The following INPP4B variants were observed in gnomAD, a reference collection of about 807,000 sequenced individuals.
INPP4B encodes the protein inositol polyphosphate 4-phosphatase type II.
Under a neutral mutation model 122.5 loss-of-function variants are expected in INPP4B, and 55 were observed. That is an observed-to-expected ratio of 0.45 (90% confidence interval 0.36 to 0.56). The LOEUF (loss-of-function observed/expected upper bound fraction) is 0.56. Among genes scored for constraint, INPP4B ranks in the 20% least tolerant of loss-of-function variants. The pLI, the probability that INPP4B is intolerant of heterozygous loss-of-function variation, is 0.00. For synonymous variants in INPP4B, 403 were observed against 388.7 expected (o/e 1.04, Z -0.43); for missense variants, 1,000 against 1,097.7 (o/e 0.91, Z 1.26).
At chr4:142,460,506 A>G (rs1388900275) in intron 3 of INPP4B, among the ~76,000 whole-genome samples, 1 of 152,122 alleles carries the variant, frequency 6.6e-6, no homozygotes, top group Non-Finnish European at 1.5e-5. Flanking sequence ...TTAAGTTTCA[A>G]TGTTGGTCTA....
chr4:142,357,504 C>T (rs186833638), intron 7 of INPP4B, among the ~76,000 whole-genome samples: 63 of 152,100 alleles, frequency 4.1e-4, no homozygotes, highest in Middle Eastern at 3.4e-3. Context: ...GGCAATTCTA[C>T]CACTTTCGTA....
chr4:142,524,572 G>T (rs1208006665), intron 2 of INPP4B, among the ~76,000 whole-genome samples: 5 of 152,010 alleles, frequency 3.3e-5, no homozygotes, highest in Non-Finnish European at 7.4e-5. Context: ...GGGATGCAAG[G>T]CTGGTCCAAT....
At chr4:142,264,155 A>C (rs1741651321) in intron 10 of INPP4B, among the ~76,000 whole-genome samples, 1 of 152,158 alleles carries the variant, frequency 6.6e-6, no homozygotes. Context: ...CTCTGTTGAA[A>C]ATAGACTGAT....
chr4:142,206,659 T>C (rs957352451), intron 14 of INPP4B, among the ~76,000 whole-genome samples: 2 of 152,096 alleles, frequency 1.3e-5, no homozygotes, highest in African/African-American at 2.4e-5. Context: ...AAGCTATATA[T>C]ATGTATACAA....
At chr4:142,615,370 G>A (rs1344407649) in intron 2 of INPP4B, among the ~76,000 whole-genome samples, 1 of 152,168 alleles carries the variant, frequency 6.6e-6, no homozygotes, top group Non-Finnish European at 1.5e-5. Flanking sequence ...ATATCTACAG[G>A]TTATAGGTGG....
intron 7 of INPP4B, among the ~76,000 whole-genome samples, chr4:142,381,196 A>C (rs771787106): frequency 6.6e-6 from 1 of 152,160 alleles, no homozygotes; most frequent in African/African-American, 2.4e-5. Flanking sequence ...TAAAGGATGC[A>C]AAAATTTACA....
intron 2 of INPP4B, among the ~76,000 whole-genome samples, chr4:142,704,968 T>C (rs937157843): frequency 1.3e-5 from 2 of 152,216 alleles, no homozygotes. Flanking sequence ...CTGAATTTAA[T>C]GCATTTCTCA....
At chr4:142,670,079 A>G (rs987252206) in intron 2 of INPP4B, among the ~76,000 whole-genome samples, 1 of 152,196 alleles carries the variant, frequency 6.6e-6, no homozygotes, top group African/African-American at 2.4e-5. Flanking sequence ...CATGCTTTGT[A>G]TACACATACA....
chr4:142,044,271 G>A (rs567331608), intron 25 of INPP4B, among the ~76,000 whole-genome samples: 4 of 152,188 alleles, frequency 2.6e-5, no homozygotes, highest in East Asian at 1.9e-4. Flanking sequence ...AATCATCCAC[G>A]TAGAGAATAC....
chr4:142,030,694 GA>G (rs1739340804), intron 25 of INPP4B, among the ~76,000 whole-genome samples: 1 of 152,130 alleles, frequency 6.6e-6, no homozygotes, highest in Admixed American at 6.6e-5. Flanking sequence ...TTTAGAAAAT[GA>G]AATGAACAAC....
chr4:142,572,078 A>T lies in INPP4B; in HGVS notation c.-190-109352T>A, dbSNP rs1279282134. Among the ~76,000 whole-genome samples the T allele has an allele frequency of 2.0e-5, 3 of 152,106 alleles. No homozygotes were observed. The East Asian group carries it at 5.8e-4, about 29-fold the overall frequency. On this transcript the variant is annotated intron_variant, in intron 2 of 25. Coordinates refer to ENST00000262992, the MANE Select transcript of INPP4B (RefSeq NM_001101669.3). Reference sequence around the variant, plus strand: ...AAGATTCATTTCTTGGATTGTCAGTAGTAGGTCTCATTACTTTTATCTTCT... The same window carrying T: ...AAGATTCATTTCTTGGATTGTCAGTTGTAGGTCTCATTACTTTTATCTTCT...
chr4:142,581,155 A>T (rs1467902857), intron 2 of INPP4B, among the ~76,000 whole-genome samples: 1 of 152,054 alleles, frequency 6.6e-6, no homozygotes, highest in Admixed American at 6.6e-5. Flanking sequence ...AAAATGCATC[A>T]GGTTAAAAAA....
At chr4:142,171,449 A>G (rs1429935410) in intron 16 of INPP4B, among the ~76,000 whole-genome samples, 1 of 151,916 alleles carries the variant, frequency 6.6e-6, no homozygotes, top group Non-Finnish European at 1.5e-5. Flanking sequence ...TCCATAGTAT[A>G]CAACAAGCCC....
At position 142,159,038 on chromosome 4, in the gene INPP4B, A is replaced by T. The variant is rs1258900019; in HGVS notation, c.1563+1320T>A. Among the ~76,000 whole-genome samples, 3 of 152,000 alleles carry T rather than the reference A, an allele frequency of 2.0e-5. No homozygotes were observed. The South Asian group carries it at 6.2e-4, about 31-fold the overall frequency. ...CTCAAGGGATAGTATTAATCTTCTT[A>T]ATAAGATTATATAATTTATATTACT... is the stretch of plus-strand genomic sequence containing the variant. On this transcript the variant is annotated intron_variant, in intron 17 of 25. Transcript: ENST00000262992.
chr4:142,589,438 G>C (rs2150239086), intron 2 of INPP4B, among the ~76,000 whole-genome samples: 1 of 152,020 alleles, frequency 6.6e-6, no homozygotes, highest in East Asian at 1.9e-4. Context: ...TAAAAGTCAA[G>C]AGTAAGAAAT....
intron 2 of INPP4B, among the ~76,000 whole-genome samples, chr4:142,506,887 G>C (rs1824098662): frequency 6.6e-6 from 1 of 152,200 alleles, no homozygotes; most frequent in Non-Finnish European, 1.5e-5. Flanking sequence ...GCAGAGAAGG[G>C]AGATCCAACA....
At chr4:142,188,343 C>T (rs1834073668) in intron 15 of INPP4B, among the ~76,000 whole-genome samples, 1 of 151,134 alleles carries the variant, frequency 6.6e-6, no homozygotes, top group African/African-American at 2.4e-5. Context: ...AAAAATTAGC[C>T]AGGCATGGTG....
chr4:142,359,167 C>T (rs557123078), intron 7 of INPP4B, among the ~76,000 whole-genome samples: 1 of 151,750 alleles, frequency 6.6e-6, no homozygotes, highest in African/African-American at 2.4e-5. Context: ...CCACAGAATT[C>T]TTTCTTCCCT....
intron 25 of INPP4B, among the ~76,000 whole-genome samples, chr4:142,069,604 A>T (rs1765761971): frequency 6.6e-6 from 1 of 152,312 alleles, no homozygotes; most frequent in African/African-American, 2.4e-5. Flanking sequence ...AATAAAGAAG[A>T]AAAAAGAGAA....
Sources: allele counts gnomAD v4.1 joint callset (sites outside exome capture counted in the v4.1 genomes callset), GRCh38; gene constraint gnomAD v4.1.1; transcripts MANE v1.5; gene names NCBI Gene and HGNC (gene_info 2026-07-23, HGNC 2026-07-21).